NEMP1: variants seen among roughly 807,000 people sequenced by gnomAD.
NEMP1 encodes the protein transmembrane protein 194.
In NEMP1, 29 loss-of-function variants were observed where a neutral mutation model predicts 53.7. The observed-to-expected ratio is 0.54, with a 90% CI of 0.40 to 0.74. The LOEUF (loss-of-function observed/expected upper bound fraction) is 0.74. NEMP1 is among the 30% of genes least tolerant of loss of function. NEMP1 has a pLI of 0.00. For missense variants in NEMP1, 477 were observed against 528.6 expected (o/e 0.90, Z 0.96); for synonymous variants, 193 against 192.9 (o/e 1.00, Z 0.00).
intron 1 of NEMP1, among the ~76,000 whole-genome samples, chr12:57,085,882 C>G (rs1167320781): frequency 1.3e-5 from 2 of 152,224 alleles, no homozygotes; most frequent in Admixed American, 1.3e-4. Context: ...AAATCTGTGT[C>G]ATGTGCCCTT....
At position 57,059,812 on chromosome 12, in the gene NEMP1, A is replaced by G. The variant is rs561888287; in HGVS notation, c.*67T>C. 1.4e-6 allele frequency: 2 copies of G among 1,429,316 alleles called. No individual in the cohort carries two copies. Among genetic ancestry groups the G allele is most frequent in the African/African-American group, 1.4e-5 (1 of 70,730 alleles). The allele number at this position is 1,429,316 out of a possible 1,614,324, so 88.5% of individuals were successfully genotyped here. A position where few individuals can be genotyped will look rare whatever the true frequency, so the allele number is the denominator to read the frequency against. On this transcript the variant is annotated 3_prime_UTR_variant, in exon 9 of 9. Coordinates refer to ENST00000300128, the MANE Select transcript of NEMP1 (RefSeq NM_001130963.2). ...ACTCTGTTTCAAAGGGTTGAAAGCAATTGCACAACACATGCAACATGGACC... is the reference window on the plus strand; with the variant it reads ...ACTCTGTTTCAAAGGGTTGAAAGCAGTTGCACAACACATGCAACATGGACC...
chr12:57,070,546 A>T, intron 3 of NEMP1, 128 bp downstream of exon 3: 2 of 723,996 alleles, frequency 2.8e-6, no homozygotes, highest in Non-Finnish European at 4.6e-6. Flanking sequence ...GCAGTGGTAT[A>T]CTCAGGGTTA....
intron 1 of NEMP1, among the ~76,000 whole-genome samples, chr12:57,087,631 C>G (rs2033051424): frequency 6.6e-6 from 1 of 152,120 alleles, no homozygotes; most frequent in Non-Finnish European, 1.5e-5. Flanking sequence ...TGAAATCCTC[C>G]CACCAACAAC....
rs188055290 is a variant in NEMP1, at chr12:57,062,010, T to C, written c.981-1065A>G. 3.9e-3 allele frequency among the ~76,000 whole-genome samples: 591 copies of C among 151,944 alleles called. 2 individuals carry two copies. The highest frequency in any genetic ancestry group is 5.0e-3 in the Admixed American group (76 of 15,242). Reference sequence around the variant, plus strand: ...AAGACTCCATCTCAAAAAAAAAAGATTGTGGTCCAGTAACTTGGTTTCCCA... The same window carrying C: ...AAGACTCCATCTCAAAAAAAAAAGACTGTGGTCCAGTAACTTGGTTTCCCA... On this transcript the variant is annotated intron_variant, in intron 7 of 8. Coordinates refer to ENST00000300128, the MANE Select transcript of NEMP1 (RefSeq NM_001130963.2).
upstream of NEMP1, among the ~76,000 whole-genome samples, chr12:57,079,671 G>A (rs2032784266): frequency 6.6e-6 from 1 of 152,204 alleles, no homozygotes; most frequent in South Asian, 2.1e-4. Context: ...ATCTGATGGT[G>A]ATGGGTAGGA....
At chr12:57,077,309 G>C (rs1251298026) in intron 1 of NEMP1, among the ~76,000 whole-genome samples, 1 of 149,068 alleles carries the variant, frequency 6.7e-6, no homozygotes, top group Non-Finnish European at 1.5e-5. Flanking sequence ...TCCAGCCTGC[G>C]CGAAAGAGGG....
upstream of NEMP1, among the ~76,000 whole-genome samples, chr12:57,088,308 T>C (rs1026465603): frequency 6.6e-6 from 1 of 152,218 alleles, no homozygotes; most frequent in East Asian, 1.9e-4. Context: ...TCCCAAACTT[T>C]CCAGGCTAGC....
At chr12:57,086,795 C>A (rs984623403) in intron 1 of NEMP1, among the ~76,000 whole-genome samples, 1 of 152,116 alleles carries the variant, frequency 6.6e-6, no homozygotes, top group African/African-American at 2.4e-5. Context: ...ATACACAAAC[C>A]TAGAGAGAGA....
At chr12:57,087,387 G>C (rs1055955896) in intron 1 of NEMP1, among the ~76,000 whole-genome samples, 1 of 152,046 alleles carries the variant, frequency 6.6e-6, no homozygotes, top group Non-Finnish European at 1.5e-5. Context: ...GGGGGAGGGA[G>C]GGGGCACGTG....
intron 7 of NEMP1, among the ~76,000 whole-genome samples, 159 bp downstream of exon 7, chr12:57,062,960 A>G (rs2031888869): frequency 6.6e-6 from 1 of 152,002 alleles, no homozygotes. Context: ...TAGAAAGTAA[A>G]AAAAAAAAAA....
upstream of NEMP1, chr12:57,088,091 C>G (rs2033069633): frequency 6.6e-6 from 1 of 152,280 alleles, no homozygotes; most frequent in African/African-American, 2.4e-5. Flanking sequence ...TCATCTTCCA[C>G]TAGACTCTCG....
At chr12:57,061,814 T>C (rs890441900) in intron 7 of NEMP1, among the ~76,000 whole-genome samples, 4 of 150,378 alleles carry the variant, frequency 2.7e-5, no homozygotes, top group Admixed American at 1.3e-4. Flanking sequence ...CTGGCCAACA[T>C]AGTGAAACGC....
rs150639999 is a variant in NEMP1 at position 57,066,871 on chromosome 12, C to G, written c.546-2132G>C. 6.8e-4 allele frequency among the ~76,000 whole-genome samples: 104 copies of G among 152,222 alleles called. 1 individual carries two copies. The highest frequency in any genetic ancestry group is 2.4e-3 in the African/African-American group (100 of 41,494). ...TGGTTTTATAAGGGGTTTCCACTTTCACTTGGTTCTCATTCTCTCTTGCCT... is the reference window on the plus strand; with the variant it reads ...TGGTTTTATAAGGGGTTTCCACTTTGACTTGGTTCTCATTCTCTCTTGCCT... On this transcript the variant is annotated intron_variant, in intron 4 of 8. Coordinates refer to ENST00000300128, the MANE Select transcript of NEMP1 (RefSeq NM_001130963.2).
intron 5 of NEMP1, 112 bp from the exon 6 acceptor site, chr12:57,064,297 G>A: frequency 1.6e-6 from 1 of 636,786 alleles, no homozygotes; most frequent in Non-Finnish European, 2.6e-6. Context: ...TACTCAAAAT[G>A]CACAAAAAAC....
At position 57,064,101 on chromosome 12, in the gene NEMP1, T is replaced by C. The variant is rs756863086; in HGVS notation, c.724A>G (p.Ile242Val). ...AGATACTGCCAGTAACACCTCCAGA[T>C]CTCTTGTAAATTTTTAAAAACTAGT... is the stretch of plus-strand genomic sequence containing the variant. ...IQLVFKNLQEIWRCYWQYLLS... is the reference protein window; with the variant it reads ...IQLVFKNLQEVWRCYWQYLLS... Residue 242 changes from isoleucine to valine, a missense_variant, in exon 6 of 9, where the codon ATC (isoleucine) becomes GTC (valine). By Grantham distance (29) the Ile-to-Val change is conservative. Coordinates refer to ENST00000300128, the MANE Select transcript of NEMP1 (RefSeq NM_001130963.2). 3.1e-6 allele frequency: 5 copies of C among 1,609,940 alleles called. No homozygotes were observed. Among genetic ancestry groups the C allele is most frequent in the South Asian group, 2.2e-5 (2 of 90,282 alleles).
chr12:57,076,464 G>A (rs966491766), intron 1 of NEMP1, among the ~76,000 whole-genome samples: 84 of 151,514 alleles, frequency 5.5e-4, no homozygotes, highest in Non-Finnish European at 1.0e-3. Flanking sequence ...AGGAGTTCGA[G>A]ACCAACCTAG....
chr12:57,080,585 G>GAAA (rs34664557), upstream of NEMP1, among the ~76,000 whole-genome samples: 1 of 137,518 alleles, frequency 7.3e-6, no homozygotes. Flanking sequence ...TCTCAAAAGA[G>GAAA]AAAAAAAAAA....
intron 1 of NEMP1, among the ~76,000 whole-genome samples, chr12:57,077,325 C>G (rs548049692): frequency 5.4e-5 from 8 of 147,588 alleles, no homozygotes; most frequent in Admixed American, 3.4e-4. Flanking sequence ...GAGGGAGACT[C>G]TGTTTAAAAA....
At chr12:57,071,480 C>T (rs2032343673) in intron 2 of NEMP1, among the ~76,000 whole-genome samples, 1 of 151,970 alleles carries the variant, frequency 6.6e-6, no homozygotes, top group Non-Finnish European at 1.5e-5. Flanking sequence ...TGGATTCAAG[C>T]GATTCTTCTG....
Sources: allele counts gnomAD v4.1 joint callset (sites outside exome capture counted in the v4.1 genomes callset), GRCh38; gene constraint gnomAD v4.1.1; transcripts MANE v1.5; gene names NCBI Gene and HGNC (gene_info 2026-07-23, HGNC 2026-07-21).